WWC1: variants seen among roughly 807,000 people sequenced by gnomAD.
The protein encoded by WWC1 is WW and C2 domain containing 1.
In WWC1, 55 loss-of-function variants were observed where a neutral mutation model predicts 138.4. The observed-to-expected ratio is 0.40, with a 90% confidence interval of 0.32 to 0.50. The LOEUF is 0.50. Among genes scored for constraint, WWC1 ranks in the 20% least tolerant of loss-of-function variants. The pLI is 0.72. For synonymous variants in WWC1, 524 were observed against 564.9 expected, an observed-to-expected ratio of 0.93 and a Z score of 1.03; for missense variants, 1,226 against 1,420.4, an observed-to-expected ratio of 0.86 and a Z score of 2.20.
At chr5:168,409,428 A>G (rs1280242905) in intron 7 of WWC1, among the ~76,000 whole-genome samples, 1 of 152,194 alleles carries the variant, frequency 6.6e-6, no homozygotes, top group East Asian at 1.9e-4. Flanking sequence ...GCTACTAGCC[A>G]TCTGCAGGCC....
At chr5:168,372,043 A>AG (rs1776793465) in intron 2 of WWC1, among the ~76,000 whole-genome samples, 1 of 103,756 alleles carries the variant, frequency 9.6e-6, no homozygotes, top group African/African-American at 3.8e-5. Context: ...GAGAGAGAGA[A>AG]AGAGTGTGTT....
chr5:168,356,085 C>A (rs974026412), intron 1 of WWC1, among the ~76,000 whole-genome samples: 1 of 152,158 alleles, frequency 6.6e-6, no homozygotes, highest in Non-Finnish European at 1.5e-5. Flanking sequence ...TCGGTTCTCC[C>A]ATCTAGGTAG....
In WWC1 at chr5:168,439,437, C is replaced by T. The variant is rs189886926; in HGVS notation, c.2281-2245C>T. ...ATCGGGAGTTCGAGACCAGCCTGAC[C>T]GACATGGAGAAACCCCGTCTCTACT... is the stretch of plus-strand genomic sequence containing the variant. On this transcript the variant is annotated intron_variant, in intron 15 of 22. Coordinates refer to ENST00000265293, the MANE Select transcript of WWC1 (RefSeq NM_015238.3). Among the ~76,000 whole-genome samples, 305 of 148,478 alleles carry T rather than the reference C, an allele frequency of 2.1e-3. 3 individuals carry two copies. Among genetic ancestry groups the T allele is most frequent in the African/African-American group, 7.3e-3 (293 of 39,868 alleles).
At chr5:168,468,261 G>A (rs1757463070) in intron 22 of WWC1, among the ~76,000 whole-genome samples, 1 of 152,240 alleles carries the variant, frequency 6.6e-6, no homozygotes, top group Admixed American at 6.5e-5. Flanking sequence ...TGGTAATTGT[G>A]GAGGGTTGGC....
intron 1 of WWC1, among the ~76,000 whole-genome samples, chr5:168,298,414 G>T (rs1020255997): frequency 1.3e-5 from 2 of 152,134 alleles, no homozygotes; most frequent in Non-Finnish European, 2.9e-5. Context: ...TCTCCATGCT[G>T]CTGCTCTTAA....
chr5:168,292,884 C>CG lies in WWC1; in HGVS notation c.119+618dup, dbSNP rs1769188929. ...CGAGGGTGGGGAGGAAGTGAAGAAG[C>CG]GGGGGAGGGCAGATGAGGGAGACTG... On this transcript the variant is annotated intron_variant, in intron 1 of 22. Coordinates refer to ENST00000265293, the MANE Select transcript of WWC1 (RefSeq NM_015238.3). This position sits in a 1 kb window ranked among gnomAD's most constrained non-coding sequence, Gnocchi z 4.4. Among the ~76,000 whole-genome samples, 1 of 151,820 alleles carries CG rather than the reference C, an allele frequency of 6.6e-6. No individual in the cohort carries two copies. Among genetic ancestry groups the CG allele is most frequent in the Non-Finnish European group, 1.5e-5 (1 of 67,960 alleles).
chr5:168,292,070 G>A lies in WWC1; in HGVS notation c.-83G>A. 1 of 1,377,662 alleles carries A rather than the reference G, an allele frequency of 7.3e-7. No homozygotes were observed. The highest frequency in any genetic ancestry group is 9.4e-7 in the Non-Finnish European group (1 of 1,068,800). The allele number at this position is 1,377,662 out of a possible 1,614,324, so 85.3% of individuals were successfully genotyped here. A position where few individuals can be genotyped will look rare whatever the true frequency, so the allele number is the denominator to read the frequency against. On this transcript the variant is annotated 5_prime_UTR_variant, in exon 1 of 23. Coordinates refer to ENST00000265293, the MANE Select transcript of WWC1 (RefSeq NM_015238.3). This position sits in a 1 kb window ranked among gnomAD's most constrained non-coding sequence, Gnocchi z 4.4. ...GATCATGGTGCCTCGGCGGCCGCCC[G>A]GGCTAAGAGCGGCCGGCTGGAGCCG...
Position 168,414,346 on chromosome 5 carries a change from A to G in WWC1, c.942-2A>G. ...AGTCATGCTTGCTTTCTTGGCCCCC[A>G]GGATCGCCAACCTGAAGATCCAGCT... On this transcript the variant is annotated splice_acceptor_variant, in intron 8 of 22. Coordinates refer to ENST00000265293, the MANE Select transcript of WWC1 (RefSeq NM_015238.3). LOFTEE classifies it high-confidence loss of function. 1 of 1,612,480 alleles carries G rather than the reference A, an allele frequency of 6.2e-7. No individual in the cohort carries two copies. The highest frequency in any genetic ancestry group is 8.5e-7 in the Non-Finnish European group (1 of 1,179,498).
chr5:168,471,287 C>G lies in WWC1; in HGVS notation c.*2270C>G, dbSNP rs1757662084. On this transcript the variant is annotated 3_prime_UTR_variant, in exon 23 of 23. Coordinates refer to ENST00000265293, the MANE Select transcript of WWC1 (RefSeq NM_015238.3). The stretch of plus-strand genomic sequence containing the variant: ...TGCTATCCAGCCCGATTTCTCACCA[C>G]TGGCCCAGGGCTTCCTCCTGCCCCG... The G allele has an allele frequency of 6.6e-6, 1 of 152,560 alleles. No homozygotes were observed. 9.5% of individuals were successfully genotyped at this position (152,560 alleles called of 1,614,324 possible).
At chr5:168,293,487 G>A (rs1484355142) in intron 1 of WWC1, among the ~76,000 whole-genome samples, 1 of 152,150 alleles carries the variant, frequency 6.6e-6, no homozygotes, top group African/African-American at 2.4e-5. Flanking sequence ...TAGTTTCTGG[G>A]AGCACTTACT....
rs1770756041 is a variant in WWC1 at position 168,308,216 on chromosome 5, G to C, written c.119+15945G>C. ...TTGGTTAAAACTGAAACCAAAGAAAGCCATCCCTTCTTTGAGAACTGTGCT... is the reference window on the plus strand; with the variant it reads ...TTGGTTAAAACTGAAACCAAAGAAACCCATCCCTTCTTTGAGAACTGTGCT... On this transcript the variant is annotated intron_variant, in intron 1 of 22. Coordinates refer to ENST00000265293, the MANE Select transcript of WWC1 (RefSeq NM_015238.3). Among the ~76,000 whole-genome samples the C allele has an allele frequency of 2.0e-5, 3 of 152,186 alleles. No individual in the cohort carries two copies. The South Asian group carries it at 6.2e-4, about 31-fold the overall frequency.
chr5:168,371,323 G>T, intron 1 of WWC1, 101 bp from the exon 2 acceptor site: 1 of 803,022 alleles, frequency 1.2e-6, no homozygotes, highest in Non-Finnish European at 2.1e-6. Context: ...TTTTGGATCT[G>T]TTGAGCCAGC....
At chr5:168,343,726 G>T (rs1179828081) in intron 1 of WWC1, among the ~76,000 whole-genome samples, 3 of 151,680 alleles carry the variant, frequency 2.0e-5, no homozygotes, top group Non-Finnish European at 4.4e-5. Flanking sequence ...GGAGGCTGAG[G>T]CATGAGAATC....
Position 168,313,452 on chromosome 5 carries a change from G to A in WWC1, c.119+21181G>A, listed in dbSNP as rs990607735. Among the ~76,000 whole-genome samples the A allele has an allele frequency of 4.6e-5, 7 of 152,248 alleles. No individual in the cohort carries two copies. In the East Asian group the frequency reaches 5.8e-4, roughly 13 times the overall value. Reference sequence around the variant, plus strand: ...CTAAAAATACAAAAATTAGCCAGACGTGGTGGCGGGCATCTGTTATCCCAG... The same window carrying A: ...CTAAAAATACAAAAATTAGCCAGACATGGTGGCGGGCATCTGTTATCCCAG... On this transcript the variant is annotated intron_variant, in intron 1 of 22. Coordinates refer to ENST00000265293, the MANE Select transcript of WWC1 (RefSeq NM_015238.3).
At position 168,423,839 on chromosome 5, in the gene WWC1, C is replaced by T. The variant is rs371866844; in HGVS notation, c.1581C>T (p.Thr527=). The T allele has an allele frequency of 2.5e-6, 4 of 1,614,182 alleles. No individual in the cohort carries two copies. Among genetic ancestry groups the T allele is most frequent in the Non-Finnish European group, 3.4e-6 (4 of 1,180,032 alleles). ...RLQALRSLSG[T]PKSMTSLSPR... is the part of the protein sequence containing the mutation. ...AGGCTCTGCGTTCCCTGTCTGGCAC[C>T]CCAAAGTCCATGACCTCCCTATCCC... Residue 527 remains threonine, a synonymous_variant, in exon 11 of 23, where the codon ACC becomes ACT. Transcript: ENST00000265293.
intron 1 of WWC1, among the ~76,000 whole-genome samples, chr5:168,315,901 T>C (rs1443530274): frequency 6.6e-6 from 1 of 152,166 alleles, no homozygotes; most frequent in Non-Finnish European, 1.5e-5. Flanking sequence ...GCCCACCTGT[T>C]TGGGACTGCG....
rs1244883101 is a variant in WWC1 at position 168,292,623 on chromosome 5, A to T, written c.119+352A>T. Among the ~76,000 whole-genome samples the T allele has an allele frequency of 1.3e-5, 2 of 151,208 alleles. No homozygotes were observed. The highest frequency in any genetic ancestry group is 3.0e-5 in the Non-Finnish European group (2 of 67,772). Reference sequence around the variant, plus strand: ...GGCGGGGGCGGGGGTTGGGGGAGCGACCTAGCCGGGTGAAGCCGGGTCTTC... The same window carrying T: ...GGCGGGGGCGGGGGTTGGGGGAGCGTCCTAGCCGGGTGAAGCCGGGTCTTC... On this transcript the variant is annotated intron_variant, in intron 1 of 22. Coordinates refer to ENST00000265293, the MANE Select transcript of WWC1 (RefSeq NM_015238.3). This position sits in a 1 kb window ranked among gnomAD's most constrained non-coding sequence, Gnocchi z 4.4.
rs567270368 is a variant in WWC1 at position 168,411,074 on chromosome 5, C to T, written c.941+1079C>T. On this transcript the variant is annotated intron_variant, in intron 8 of 22. Transcript: ENST00000265293. ...CCGAGTAGCTGGGACTACAGGCACCCGTCACAACGCCCGGCTAATTTTTTT... is the reference window on the plus strand; with the variant it reads ...CCGAGTAGCTGGGACTACAGGCACCTGTCACAACGCCCGGCTAATTTTTTT... Among the ~76,000 whole-genome samples, 13 of 152,096 alleles carry T rather than the reference C, an allele frequency of 8.5e-5. 1 individual carries two copies. The South Asian group carries it at 1.0e-3, about 12-fold the overall frequency.
At chr5:168,462,082 A>G (rs917768780) in intron 20 of WWC1, among the ~76,000 whole-genome samples, 6 of 151,918 alleles carry the variant, frequency 3.9e-5, no homozygotes, top group African/African-American at 1.2e-4. Context: ...GAAAGAAAAA[A>G]GGAGAGAGAA....
Sources: gnomAD v4.1 joint callset for allele counts (sites outside exome capture counted in the v4.1 genomes callset) on GRCh38, gnomAD v4.1.1 for gene constraint, Gnocchi (gnomAD v3.1) non-coding constraint, MANE v1.5 for transcripts, NCBI Gene and HGNC (gene_info 2026-07-23, HGNC 2026-07-21) for gene names.